WDPCP: variants seen among roughly 807,000 people sequenced by gnomAD.
WDPCP encodes the protein WD repeat containing planar cell polarity effector.
A neutral mutation model predicts 93.1 loss-of-function variants in WDPCP; 71 were observed. That is an observed-to-expected ratio of 0.76 (90% CI 0.63 to 0.93). The LOEUF is 0.93. Ranked by LOEUF, WDPCP falls within the 40% of genes least tolerant of loss-of-function variation. The pLI, the probability that WDPCP is intolerant of heterozygous loss-of-function variation, is 0.00. For missense variants in WDPCP, 844 were observed against 887.4 expected (o/e 0.95, Z 0.62); for synonymous variants, 315 against 315.0 (o/e 1.00, Z 0.00).
At chr2:63,368,294 TTTAA>T (rs1186799134) in intron 12 of WDPCP, among the ~76,000 whole-genome samples, 148 of 72,930 alleles carry the variant, frequency 2.0e-3, no homozygotes, top group African/African-American at 5.0e-3. Flanking sequence ...TAAGTTTATT[TTTAA>T]TTTATTTATT....
chr2:63,459,303 T>C (rs1005341415), intron 6 of WDPCP, among the ~76,000 whole-genome samples: 1 of 152,054 alleles, frequency 6.6e-6, no homozygotes, highest in African/African-American at 2.4e-5. Context: ...GAGAAAATGT[T>C]TGCAAATTAC....
intron 3 of WDPCP, among the ~76,000 whole-genome samples, chr2:63,632,928 T>A (rs1420589754): frequency 6.6e-6 from 1 of 152,128 alleles, no homozygotes; most frequent in Non-Finnish European, 1.5e-5. Context: ...AAACACATTA[T>A]AATAAAACTG....
intron 9 of WDPCP, among the ~76,000 whole-genome samples, chr2:63,431,858 C>A (rs1000452604): frequency 2.6e-5 from 4 of 151,714 alleles, no homozygotes; most frequent in Admixed American, 2.0e-4. Flanking sequence ...AATTATATAT[C>A]TTAATAAGAT....
intron 3 of WDPCP, among the ~76,000 whole-genome samples, chr2:63,611,097 C>CA (rs1005394269): frequency 7.9e-5 from 12 of 151,678 alleles, no homozygotes; most frequent in Admixed American, 5.9e-4. Context: ...GACCCTGTCT[C>CA]AAAAAAAACC....
intron 14 of WDPCP, 35 bp from the exon 15 acceptor site, chr2:63,174,867 A>G: frequency 6.2e-7 from 1 of 1,604,084 alleles, no homozygotes; most frequent in Non-Finnish European, 8.5e-7. Context: ...GTGAAATACT[A>G]AGTACAATTT....
At chr2:63,625,217 A>C (rs1475545619) in intron 3 of WDPCP, among the ~76,000 whole-genome samples, 1 of 152,244 alleles carries the variant, frequency 6.6e-6, no homozygotes, top group Non-Finnish European at 1.5e-5. Context: ...CCCATAGCCA[A>C]TATCATACGG....
intron 13 of WDPCP, among the ~76,000 whole-genome samples, chr2:63,295,417 T>C (rs1684767491): frequency 6.6e-6 from 1 of 151,822 alleles, no homozygotes; most frequent in Non-Finnish European, 1.5e-5. Flanking sequence ...AAGACTCTAA[T>C]AGATTAAAAA....
intron 2 of WDPCP, among the ~76,000 whole-genome samples, chr2:63,724,121 T>G (rs917680928): frequency 6.6e-6 from 1 of 152,176 alleles, no homozygotes; most frequent in Admixed American, 6.5e-5. Context: ...GAATGCTGAG[T>G]AATAAAGGAA....
At chr2:63,706,913 G>A (rs936262341) in intron 2 of WDPCP, among the ~76,000 whole-genome samples, 2 of 152,160 alleles carry the variant, frequency 1.3e-5, no homozygotes, top group Admixed American at 6.5e-5. Flanking sequence ...ACCGTGCCCG[G>A]CCTTGAAAAT....
intron 3 of WDPCP, among the ~76,000 whole-genome samples, chr2:63,640,389 G>T (rs185499): frequency 0.79 from 120,446 of 152,114 alleles, 48,169 homozygotes; most frequent in East Asian, 0.98. Flanking sequence ...AGCTATTCAG[G>T]TGGCAGTGGC....
intron 1 of WDPCP, among the ~76,000 whole-genome samples, chr2:63,583,313 G>C (rs1002592679): frequency 1.3e-5 from 2 of 152,120 alleles, no homozygotes; most frequent in African/African-American, 4.8e-5. Flanking sequence ...AAAGAAGGAA[G>C]AAAAGAAGAG....
At chr2:63,590,221 C>G (rs72885336), upstream of WDPCP, 2 of 152,144 alleles carry the variant, frequency 1.3e-5, no homozygotes, top group African/African-American at 2.4e-5. Flanking sequence ...GGACTTTTTG[C>G]TTTTAGAACT....
At chr2:63,194,621 G>C (rs1220007974) in intron 14 of WDPCP, among the ~76,000 whole-genome samples, 1 of 152,114 alleles carries the variant, frequency 6.6e-6, no homozygotes, top group African/African-American at 2.4e-5. Context: ...ATGAGTTGAT[G>C]TGCCTATATG....
At chr2:63,397,702 T>C (rs1223252889) in intron 10 of WDPCP, among the ~76,000 whole-genome samples, 2 of 152,154 alleles carry the variant, frequency 1.3e-5, no homozygotes, top group African/African-American at 2.4e-5. Flanking sequence ...CATCAAACAA[T>C]GTAAGAGACA....
intron 2 of WDPCP, among the ~76,000 whole-genome samples, chr2:63,734,539 A>G (rs1669611782): frequency 6.6e-6 from 1 of 152,248 alleles, no homozygotes; most frequent in Non-Finnish European, 1.5e-5. Context: ...AGTGCCCCAC[A>G]TGAAACAATA....
chr2:63,832,159 G>T (rs1252775412), upstream of WDPCP, among the ~76,000 whole-genome samples: 1 of 152,230 alleles, frequency 6.6e-6, no homozygotes, highest in African/African-American at 2.4e-5. Context: ...GAGCTGGATA[G>T]CCTAAGATGG....
intron 6 of WDPCP, chr2:63,442,260 T>C (rs542658723): frequency 2.0e-5 from 3 of 152,286 alleles, no homozygotes; most frequent in South Asian, 2.1e-4. Context: ...GTCCCTTCAT[T>C]TCCTCACCTG....
intron 15 of WDPCP, among the ~76,000 whole-genome samples, chr2:63,168,106 C>T (rs1378228910): frequency 1.0e-5 from 1 of 97,146 alleles, no homozygotes; most frequent in African/African-American, 3.6e-5. Flanking sequence ...TGAGACCCTG[C>T]CAAAAAAAAA....
chr2:63,288,713 A>C (rs1252364485), intron 13 of WDPCP, among the ~76,000 whole-genome samples: 1 of 152,180 alleles, frequency 6.6e-6, no homozygotes, highest in Non-Finnish European at 1.5e-5. Context: ...TCATTACTCA[A>C]ACTTAATCAC....
Sources: gnomAD v4.1 joint callset for allele counts (sites outside exome capture counted in the v4.1 genomes callset) on GRCh38, gnomAD v4.1.1 for gene constraint, MANE v1.5 for transcripts, NCBI Gene and HGNC (gene_info 2026-07-23, HGNC 2026-07-21) for gene names.